TENM2: variants seen among roughly 807,000 people sequenced by gnomAD.
TENM2 encodes the protein teneurin transmembrane protein 2, also known as teneurin-2.
TENM2 carries 52 observed loss-of-function variants against 245.2 expected under a neutral mutation model. The observed-to-expected ratio is 0.21, with a 90% CI of 0.17 to 0.27. The LOEUF (loss-of-function observed/expected upper bound fraction) is 0.27. Ranked by LOEUF, TENM2 falls within the 10% of genes least tolerant of loss-of-function variation. The pLI is 1.00. For synonymous variants in TENM2, 1,363 were observed against 1,438.9 expected, an observed-to-expected ratio of 0.95 and a Z score of 1.19; for missense variants, 3,046 against 3,666.8, an observed-to-expected ratio of 0.83 and a Z score of 4.37.
At chr5:167,271,787 G>A in the TENM2 span, among the ~76,000 whole-genome samples, 18 of 152,144 alleles carry the variant, frequency 1.2e-4, no homozygotes, top group Non-Finnish European at 2.6e-4. Context: ...ACACAATTGT[G>A]AATTTGCTTA....
chr5:167,791,052 C>A (rs1764920291), intron 2 of TENM2, among the ~76,000 whole-genome samples: 1 of 152,180 alleles, frequency 6.6e-6, no homozygotes, highest in Non-Finnish European at 1.5e-5. Context: ...TTCTATTTCT[C>A]TGTATCTCAA....
chr5:167,113,934 T>C, the TENM2 span, among the ~76,000 whole-genome samples: 2 of 152,110 alleles, frequency 1.3e-5, no homozygotes, highest in East Asian at 1.9e-4. Flanking sequence ...GAGGCATAAA[T>C]AGGGTTGTAA....
At chr5:168,257,539 T>C (rs1192988091) in intron 27 of TENM2, among the ~76,000 whole-genome samples, 4 of 151,840 alleles carry the variant, frequency 2.6e-5, no homozygotes, top group Non-Finnish European at 5.9e-5. Context: ...TAGAAGGACT[T>C]TGGCTTTTTC....
intron 3 of TENM2, among the ~76,000 whole-genome samples, chr5:167,907,188 C>T (rs1170095048): frequency 6.6e-6 from 1 of 151,988 alleles, no homozygotes; most frequent in East Asian, 1.9e-4. Flanking sequence ...GCCAAGATCG[C>T]ACCGTTGCAC....
intron 7 of TENM2, among the ~76,000 whole-genome samples, chr5:168,083,990 C>G (rs906114703): frequency 1.3e-5 from 2 of 152,198 alleles, no homozygotes; most frequent in African/African-American, 2.4e-5. Flanking sequence ...CAATGCTTAG[C>G]TCCCACTTAT....
chr5:167,158,926 C>G, the TENM2 span, among the ~76,000 whole-genome samples: 1 of 147,374 alleles, frequency 6.8e-6, no homozygotes, highest in Non-Finnish European at 1.5e-5. Flanking sequence ...CTCTCTCTCT[C>G]TCTCTCTCCT....
At chr5:167,751,644 G>T (rs1241594993) in intron 2 of TENM2, among the ~76,000 whole-genome samples, 1 of 152,000 alleles carries the variant, frequency 6.6e-6, no homozygotes, top group Non-Finnish European at 1.5e-5. Context: ...TTTTGTTTTG[G>T]GCTTGTTTGC....
At chr5:168,227,838 G>C in intron 24 of TENM2, 57 bp from the exon 27 acceptor site, 1 of 1,168,542 alleles carries the variant, frequency 8.6e-7, no homozygotes, top group South Asian at 1.5e-5. Context: ...ATTCTCTTCT[G>C]ACTAATAGAG....
chr5:167,342,115 AT>A (rs1758136111), intron 1 of TENM2, among the ~76,000 whole-genome samples: 1 of 152,152 alleles, frequency 6.6e-6, no homozygotes, highest in Non-Finnish European at 1.5e-5. Flanking sequence ...ATAGTAATAC[AT>A]TATTATTAAC....
exon 29 of TENM2, chr5:168,262,603 G>A (rs533733558): frequency 5.1e-5 from 81 of 1,583,590 alleles, no homozygotes; most frequent in Non-Finnish European, 6.8e-5. Context: ...CCCTGGGCAC[G>A]GCCTGGGCCA....
intron 2 of TENM2, among the ~76,000 whole-genome samples, chr5:167,837,420 T>C (rs1416254542): frequency 3.3e-5 from 5 of 152,140 alleles, no homozygotes; most frequent in Admixed American, 6.6e-5. Context: ...CTCTCATCAG[T>C]ATATGAGAGG....
chr5:167,118,387 A>G, the TENM2 span, among the ~76,000 whole-genome samples: 25 of 152,188 alleles, frequency 1.6e-4, no homozygotes, highest in Non-Finnish European at 3.2e-4. Flanking sequence ...AAAGAATTCT[A>G]TAAAAAATGC....
chr5:167,904,505 A>G (rs915159035), intron 3 of TENM2, among the ~76,000 whole-genome samples: 2 of 152,300 alleles, frequency 1.3e-5, no homozygotes, highest in African/African-American at 4.8e-5. Context: ...TTATTTCACA[A>G]TAACAATAAG....
chr5:167,802,340 C>T (rs1003468023), intron 2 of TENM2, among the ~76,000 whole-genome samples: 1 of 152,154 alleles, frequency 6.6e-6, no homozygotes, highest in Non-Finnish European at 1.5e-5. Context: ...ATTTTCTTCC[C>T]ACTTAACACA....
chr5:167,917,229 C>T (rs1020593658), intron 3 of TENM2, among the ~76,000 whole-genome samples: 1 of 152,164 alleles, frequency 6.6e-6, no homozygotes, highest in African/African-American at 2.4e-5. Flanking sequence ...AACAAGATGC[C>T]TGTGGATTCC....
At chr5:167,599,301 A>G (rs1776443380) in intron 2 of TENM2, among the ~76,000 whole-genome samples, 1 of 152,200 alleles carries the variant, frequency 6.6e-6, no homozygotes, top group South Asian at 2.1e-4. Context: ...TTAAATTAGG[A>G]ACTTCACAAA....
chr5:167,905,119 G>A (rs1001322104), intron 3 of TENM2, among the ~76,000 whole-genome samples: 24 of 152,072 alleles, frequency 1.6e-4, no homozygotes, highest in African/African-American at 4.8e-4. Context: ...TTACTAGGGC[G>A]GTTGTATGTG....
chr5:168,176,505 G>A (rs760253035), intron 13 of TENM2, among the ~76,000 whole-genome samples: 1 of 152,108 alleles, frequency 6.6e-6, no homozygotes, highest in Non-Finnish European at 1.5e-5. Context: ...GTTTCTACAC[G>A]AACATCACTT....
chr5:167,987,008 A>G (rs1215411403), intron 4 of TENM2, among the ~76,000 whole-genome samples: 3 of 152,204 alleles, frequency 2.0e-5, no homozygotes, highest in Non-Finnish European at 2.9e-5. Context: ...CAAACATACA[A>G]AAAACTTGGA....
Sources: gnomAD v4.1 joint callset for allele counts (sites outside exome capture counted in the v4.1 genomes callset) on GRCh38, gnomAD v4.1.1 for gene constraint, MANE v1.5 for transcripts, NCBI Gene and HGNC (gene_info 2026-07-23, HGNC 2026-07-21) for gene names.